Variants in SNX29 observed in about 807,000 individuals in gnomAD.
The protein encoded by SNX29 is sorting nexin 29.
A neutral mutation model predicts 102.1 loss-of-function variants in SNX29; 78 were observed. That is an observed-to-expected ratio of 0.76 (90% CI 0.64 to 0.92). SNX29 has a LOEUF of 0.92. Ranked by LOEUF, SNX29 falls within the 40% of genes least tolerant of loss-of-function variation. SNX29 has a pLI of 0.00. For missense variants in SNX29, 1,280 were observed against 1,061.7 expected (o/e 1.21, Z -2.86); for synonymous variants, 580 against 414.5 (o/e 1.40, Z -4.85).
intron 14 of SNX29, among the ~76,000 whole-genome samples, chr16:12,205,293 G>A (rs1197437724): frequency 3.3e-5 from 5 of 152,264 alleles, no homozygotes; most frequent in African/African-American, 9.6e-5. Flanking sequence ...GGCAGTCTTC[G>A]GTTGCAAGGA....
intron 14 of SNX29, among the ~76,000 whole-genome samples, chr16:12,221,836 C>T (rs2142118103): frequency 6.6e-6 from 1 of 152,166 alleles, no homozygotes; most frequent in Non-Finnish European, 1.5e-5. Context: ...ACTGCCTCTT[C>T]CCCGCATGAT....
intron 16 of SNX29, among the ~76,000 whole-genome samples, chr16:12,356,539 G>A (rs111692915): frequency 0.04 from 6,066 of 152,220 alleles, 233 homozygotes; most frequent in African/African-American, 0.093. Context: ...CCCTCCCCCC[G>A]CAAACCCATC....
chr16:12,319,423 T>A (rs1433029742), intron 15 of SNX29, among the ~76,000 whole-genome samples: 1 of 152,142 alleles, frequency 6.6e-6, no homozygotes, highest in Non-Finnish European at 1.5e-5. Flanking sequence ...GAGTCCAGGA[T>A]ACTGAGGCTA....
intron 15 of SNX29, among the ~76,000 whole-genome samples, chr16:12,302,377 A>G (rs891033539): frequency 3.3e-5 from 5 of 152,348 alleles, no homozygotes; most frequent in Non-Finnish European, 5.9e-5. Context: ...TGTGTTATCT[A>G]CTGTCTTAGT....
chr16:12,125,093 C>G (rs375691930), intron 11 of SNX29, among the ~76,000 whole-genome samples: 1 of 152,026 alleles, frequency 6.6e-6, no homozygotes, highest in Admixed American at 6.5e-5. Context: ...TCGTACTTGG[C>G]GAAGTATAAT....
intron 3 of SNX29, among the ~76,000 whole-genome samples, chr16:12,018,746 CT>C (rs79506419): frequency 1.8e-3 from 238 of 135,412 alleles, no homozygotes; most frequent in East Asian, 2.1e-3. Flanking sequence ...TTTTTTTTGT[CT>C]TTTTTTTTTT....
intron 20 of SNX29, among the ~76,000 whole-genome samples, chr16:12,539,675 C>G (rs1046669182): frequency 6.6e-6 from 1 of 152,174 alleles, no homozygotes; most frequent in Non-Finnish European, 1.5e-5. Context: ...GGCCCAGTTG[C>G]TCTGCACCCT....
chr16:12,052,796 G>T (rs934315010), intron 8 of SNX29: 3 of 159,542 alleles, frequency 1.9e-5, no homozygotes, highest in Non-Finnish European at 2.8e-5. Context: ...ATTTCACAGG[G>T]TTCACAGGGT....
intron 18 of SNX29, among the ~76,000 whole-genome samples, chr16:12,470,542 C>T (rs1379422784): frequency 6.6e-6 from 1 of 152,154 alleles, no homozygotes; most frequent in Non-Finnish European, 1.5e-5. Context: ...TGTTCTGAGT[C>T]AGAAGCCCGG....
chr16:12,197,161 T>C (rs984672405), intron 13 of SNX29, among the ~76,000 whole-genome samples: 2 of 152,180 alleles, frequency 1.3e-5, no homozygotes, highest in African/African-American at 2.4e-5. Flanking sequence ...TGTTTAGAAA[T>C]GTCTATAACT....
intron 4 of SNX29, among the ~76,000 whole-genome samples, chr16:12,035,294 C>T (rs1437082188): frequency 6.6e-6 from 1 of 150,400 alleles, no homozygotes; most frequent in African/African-American, 2.5e-5. Flanking sequence ...TCTCTGCAGC[C>T]TTGAACTTCC....
intron 11 of SNX29, among the ~76,000 whole-genome samples, chr16:12,084,049 T>C (rs1161322173): frequency 6.6e-6 from 1 of 152,210 alleles, no homozygotes; most frequent in Non-Finnish European, 1.5e-5. Context: ...TATTTACTAC[T>C]GAAGAGAAGA....
intron 18 of SNX29, among the ~76,000 whole-genome samples, chr16:12,417,602 C>G (rs544931030): frequency 2.6e-5 from 4 of 152,056 alleles, no homozygotes; most frequent in African/African-American, 9.6e-5. Flanking sequence ...TTTCCCTATT[C>G]CTCATCATTC....
At chr16:12,208,772 T>C (rs1165723530) in intron 14 of SNX29, among the ~76,000 whole-genome samples, 1 of 151,682 alleles carries the variant, frequency 6.6e-6, no homozygotes, top group Non-Finnish European at 1.5e-5. Context: ...GCCCAGAAGG[T>C]TGAGACTGCA....
chr16:12,023,800 C>A (rs1342111998), intron 3 of SNX29, among the ~76,000 whole-genome samples: 1 of 152,090 alleles, frequency 6.6e-6, no homozygotes, highest in Non-Finnish European at 1.5e-5. Context: ...AGAGTAGATT[C>A]CTGTGCTTGG....
At chr16:12,361,949 T>A (rs760550184) in intron 16 of SNX29, among the ~76,000 whole-genome samples, 1 of 152,200 alleles carries the variant, frequency 6.6e-6, no homozygotes, top group African/African-American at 2.4e-5. Context: ...ACCGCTTTAT[T>A]GCGCCTATAC....
At chr16:12,318,669 A>G (rs1345875604) in intron 15 of SNX29, among the ~76,000 whole-genome samples, 1 of 151,852 alleles carries the variant, frequency 6.6e-6, no homozygotes, top group Non-Finnish European at 1.5e-5. Flanking sequence ...TTATGGCCCA[A>G]TAACAAGATG....
chr16:11,995,136 G>C (rs2151000125), intron 1 of SNX29, among the ~76,000 whole-genome samples: 1 of 152,248 alleles, frequency 6.6e-6, no homozygotes, highest in South Asian at 2.1e-4. Flanking sequence ...TGCAATCTTG[G>C]CTCACTGTAA....
intron 14 of SNX29, among the ~76,000 whole-genome samples, chr16:12,256,567 A>T (rs2078579914): frequency 6.6e-6 from 1 of 152,136 alleles, no homozygotes; most frequent in South Asian, 2.1e-4. Context: ...ACCTCAAGTG[A>T]TCCGCCTGCT....
Sources: gnomAD v4.1 joint callset for allele counts (sites outside exome capture counted in the v4.1 genomes callset) on GRCh38, gnomAD v4.1.1 for gene constraint, MANE v1.5 for transcripts, NCBI Gene and HGNC (gene_info 2026-07-23, HGNC 2026-07-21) for gene names.